UBXN4: variants seen among roughly 807,000 people sequenced by gnomAD.
UBXN4 encodes the protein UBX domain protein 4.
UBXN4 carries 35 observed loss-of-function variants against 66.2 expected under a neutral mutation model. The ratio of observed to expected loss-of-function variants is 0.53; its 90% CI spans 0.40 to 0.70. The LOEUF is 0.70. UBXN4 is among the 30% of genes least tolerant of loss of function. The pLI is 0.00. For missense variants in UBXN4, 533 were observed against 599.8 expected, an observed-to-expected ratio of 0.89 and a Z score of 1.16; for synonymous variants, 203 against 204.5, an observed-to-expected ratio of 0.99 and a Z score of 0.06.
At chr2:135,762,753 A>G (rs1474095773) in intron 6 of UBXN4, among the ~76,000 whole-genome samples, 1 of 152,050 alleles carries the variant, frequency 6.6e-6, no homozygotes, top group African/African-American at 2.4e-5. Context: ...AGTGGTGAGG[A>G]AAGTGGTATA....
chr2:135,779,071 C>T lies in UBXN4; in HGVS notation c.1177C>T (p.Leu393=), dbSNP rs1474240016. 2 of 1,612,340 alleles carry T rather than the reference C, an allele frequency of 1.2e-6. No homozygotes were observed. The highest frequency in any genetic ancestry group is 1.1e-5 in the South Asian group (1 of 90,540). The part of the protein sequence containing the change: ...LELAPSASVV[L]LPAGRPTASI... ...ACTTGCCCCAAGCGCTTCGGTGGTA[C>T]TGTTGCCAGTATGTATATACAGATG... Residue 393 remains leucine, a synonymous_variant, in exon 11 of 13, where the codon CTG becomes TTG. Coordinates refer to ENST00000272638, the MANE Select transcript of UBXN4 (RefSeq NM_014607.4).
At chr2:135,758,108 C>T (rs1233405427) in intron 5 of UBXN4, among the ~76,000 whole-genome samples, 2 of 138,106 alleles carry the variant, frequency 1.4e-5, no homozygotes, top group Non-Finnish European at 1.6e-5. Flanking sequence ...GAATTTTGGT[C>T]TTGTTGCCCA....
intron 6 of UBXN4, 111 bp from the exon 7 acceptor site, chr2:135,769,658 T>A: frequency 1.2e-6 from 1 of 818,404 alleles, no homozygotes; most frequent in Non-Finnish European, 1.7e-6. Context: ...TGCTTTTTGT[T>A]TGTTTGTTTC....
intron 1 of UBXN4, 108 bp from the exon 2 acceptor site, chr2:135,748,159 T>C: frequency 1.4e-6 from 1 of 724,976 alleles, no homozygotes; most frequent in Non-Finnish European, 2.1e-6. Context: ...TGGCAGAAAG[T>C]GGTATAGGTG....
chr2:135,743,297 T>C (rs1000620002), intron 1 of UBXN4, among the ~76,000 whole-genome samples: 1 of 152,324 alleles, frequency 6.6e-6, no homozygotes, highest in African/African-American at 2.4e-5. Flanking sequence ...TGATGCTGTC[T>C]GGGGGTTATA....
intron 5 of UBXN4, among the ~76,000 whole-genome samples, chr2:135,757,999 C>G (rs2077288746): frequency 6.6e-6 from 1 of 152,038 alleles, no homozygotes; most frequent in Non-Finnish European, 1.5e-5. Context: ...TAATCTCCAA[C>G]TCCTGGCCCA....
At chr2:135,778,726 T>C (rs377246818) in intron 10 of UBXN4, among the ~76,000 whole-genome samples, 39 of 152,240 alleles carry the variant, frequency 2.6e-4, no homozygotes, top group Non-Finnish European at 5.0e-4. Flanking sequence ...TTTTGCTATT[T>C]TGTGGTCATC....
intron 10 of UBXN4, among the ~76,000 whole-genome samples, chr2:135,777,935 T>A (rs1367291155): frequency 2.0e-5 from 3 of 151,186 alleles, no homozygotes; most frequent in Non-Finnish European, 4.4e-5. Context: ...CCCAGCACTT[T>A]GGGAGGCTGA....
At chr2:135,765,433 A>T (rs2077341192) in intron 6 of UBXN4, among the ~76,000 whole-genome samples, 1 of 151,448 alleles carries the variant, frequency 6.6e-6, no homozygotes, top group Non-Finnish European at 1.5e-5. Flanking sequence ...CTGGTCTCGA[A>T]CTCCTGACCT....
intron 6 of UBXN4, among the ~76,000 whole-genome samples, chr2:135,767,339 C>T (rs531802007): frequency 8.6e-5 from 13 of 151,746 alleles, no homozygotes; most frequent in Admixed American, 2.6e-4. Flanking sequence ...CCAGCCTGGG[C>T]GACAAAGTGA....
chr2:135,754,417 G>C, intron 4 of UBXN4, 140 bp downstream of exon 4: 3 of 627,662 alleles, frequency 4.8e-6, no homozygotes, highest in Non-Finnish European at 8.4e-6. Context: ...CCGCCTCCCA[G>C]GTTCAAGTGA....
intron 1 of UBXN4, among the ~76,000 whole-genome samples, chr2:135,746,802 A>G (rs991518961): frequency 6.6e-6 from 1 of 152,218 alleles, no homozygotes; most frequent in Non-Finnish European, 1.5e-5. Context: ...GGGGCCTTCA[A>G]GCGCCCTGTA....
intron 1 of UBXN4, chr2:135,748,014 A>G: frequency 2.8e-6 from 1 of 360,874 alleles, no homozygotes; most frequent in Non-Finnish European, 5.0e-6. Context: ...GCGCATCATA[A>G]TTTAGATGGC....
rs376981727 is a variant in UBXN4, at chr2:135,754,157, A to G, written c.215-2A>G. On this transcript the variant is annotated splice_acceptor_variant, in intron 3 of 12. Coordinates refer to ENST00000272638, the MANE Select transcript of UBXN4 (RefSeq NM_014607.4). LOFTEE classifies it high-confidence loss of function. ...ATTGTTAGACTTCATTAAACTGTAC[A>G]GATCCTGTAGTGTGTGTTCCATCCA... 8 of 1,605,448 alleles carry G rather than the reference A, an allele frequency of 5.0e-6. No individual in the cohort carries two copies. The African/African-American group carries it at 1.1e-4, about 21-fold the overall frequency.
intron 8 of UBXN4, among the ~76,000 whole-genome samples, chr2:135,771,583 A>T (rs1366747775): frequency 6.6e-6 from 1 of 151,804 alleles, no homozygotes; most frequent in African/African-American, 2.4e-5. Flanking sequence ...TATTTTTGAG[A>T]TGGAGTTTTA....
chr2:135,775,806 G>T (rs764190803), intron 9 of UBXN4, among the ~76,000 whole-genome samples: 1 of 152,196 alleles, frequency 6.6e-6, no homozygotes, highest in Non-Finnish European at 1.5e-5. Flanking sequence ...TCGCTCTATT[G>T]CCTAGGCTGG....
At chr2:135,767,803 A>G (rs1442430863) in intron 6 of UBXN4, among the ~76,000 whole-genome samples, 1 of 152,214 alleles carries the variant, frequency 6.6e-6, no homozygotes, top group Non-Finnish European at 1.5e-5. Context: ...TGGGTTATAC[A>G]TAGTGATCAA....
At position 135,776,234 on chromosome 2, in the gene UBXN4, T is replaced by A. The variant is rs2077413829; in HGVS notation, c.951-15T>A. ...TAGAGGTGAAGATTGTGACTTTAAT[T>A]TTCTTTTTTCATAGCACTGTTGCAA... On this transcript the variant is annotated splice_polypyrimidine_tract_variant and intron_variant, in intron 9 of 12. Transcript: ENST00000272638. 1 of 1,605,384 alleles carries A rather than the reference T, an allele frequency of 6.2e-7. No individual in the cohort carries two copies. Among genetic ancestry groups the A allele is most frequent in the Non-Finnish European group, 8.5e-7 (1 of 1,173,360 alleles).
intron 6 of UBXN4, among the ~76,000 whole-genome samples, chr2:135,769,355 TG>T (rs2077368417): frequency 6.6e-6 from 1 of 152,084 alleles, no homozygotes. Context: ...GTTAGTAATT[TG>T]GTATTAATAA....
Sources: allele counts gnomAD v4.1 joint callset (sites outside exome capture counted in the v4.1 genomes callset), GRCh38; gene constraint gnomAD v4.1.1; transcripts MANE v1.5; gene names NCBI Gene and HGNC (gene_info 2026-07-23, HGNC 2026-07-21).